KCNIP4: variants seen among roughly 807,000 people sequenced by gnomAD.
The protein encoded by KCNIP4 is potassium voltage-gated channel interacting protein 4.
In KCNIP4, 12 loss-of-function variants were observed where a neutral mutation model predicts 34.0. The observed-to-expected ratio is 0.35, with a 90% CI of 0.23 to 0.57. The LOEUF is 0.57. Among genes scored for constraint, KCNIP4 ranks in the 20% least tolerant of loss-of-function variants. The pLI is 0.83. For synonymous variants in KCNIP4, 124 were observed against 102.2 expected, an observed-to-expected ratio of 1.21 and a Z score of -1.29; for missense variants, 238 against 311.7, an observed-to-expected ratio of 0.76 and a Z score of 1.78.
intron 1 of KCNIP4, among the ~76,000 whole-genome samples, chr4:21,485,402 C>T (rs1433092163): frequency 3.3e-5 from 5 of 152,170 alleles, no homozygotes; most frequent in African/African-American, 9.7e-5. Flanking sequence ...CTGCTAGCCC[C>T]TCCTACTCCC....
At chr4:20,763,060 C>T (rs1192701536) in intron 3 of KCNIP4, among the ~76,000 whole-genome samples, 1 of 152,064 alleles carries the variant, frequency 6.6e-6, no homozygotes, top group Non-Finnish European at 1.5e-5. Flanking sequence ...GAACTGCCTC[C>T]ATGATTCAAT....
intron 1 of KCNIP4, among the ~76,000 whole-genome samples, chr4:21,043,864 A>G (rs1742178450): frequency 6.6e-6 from 1 of 152,192 alleles, no homozygotes; most frequent in Non-Finnish European, 1.5e-5. Context: ...GAAAAGAATC[A>G]GAACCTCAAA....
chr4:20,774,792 A>T (rs74911380), intron 3 of KCNIP4, among the ~76,000 whole-genome samples: 2,492 of 152,338 alleles, frequency 0.016, 24 homozygotes, highest in Middle Eastern at 0.037. Context: ...GTGATCAATG[A>T]CTAAAGAGAT....
intron 1 of KCNIP4, among the ~76,000 whole-genome samples, chr4:21,212,710 G>A (rs1173425253): frequency 6.6e-6 from 1 of 151,994 alleles, no homozygotes; most frequent in African/African-American, 2.4e-5. Context: ...AAGGGCTGAG[G>A]GTCTCTTTAA....
At chr4:21,037,510 A>G (rs1010846186) in intron 1 of KCNIP4, among the ~76,000 whole-genome samples, 2 of 152,226 alleles carry the variant, frequency 1.3e-5, no homozygotes, top group African/African-American at 4.8e-5. Context: ...AATGGGCTAT[A>G]TCATATAGCC....
Position 21,313,878 on chromosome 4 carries a change from C to T in KCNIP4, c.62-431169G>A, listed in dbSNP as rs186064814. Among the ~76,000 whole-genome samples, 139 of 152,304 alleles carry T rather than the reference C, an allele frequency of 9.1e-4. 1 individual carries two copies. Among genetic ancestry groups the T allele is most frequent in the African/African-American group, 3.2e-3 (133 of 41,580 alleles). ...CACAGTTTTCTACTGCTGCATAGCA[C>T]ATCATCCCAAATTGAGTGACTTAGA... On this transcript the variant is annotated intron_variant, in intron 1 of 8. Coordinates refer to ENST00000382152, the MANE Select transcript of KCNIP4 (RefSeq NM_025221.6).
At chr4:20,783,452 G>A (rs919616501) in intron 3 of KCNIP4, among the ~76,000 whole-genome samples, 12 of 152,190 alleles carry the variant, frequency 7.9e-5, no homozygotes, top group African/African-American at 2.2e-4. Context: ...GAATCATGGT[G>A]GGAGGTGAAA....
intron 1 of KCNIP4, among the ~76,000 whole-genome samples, chr4:21,832,880 G>T (rs963362736): frequency 6.6e-6 from 1 of 151,126 alleles, no homozygotes; most frequent in African/African-American, 2.4e-5. Flanking sequence ...TGAGAATGAT[G>T]ATTTCCAATT....
chr4:21,000,288 TC>T (rs1738000223), intron 1 of KCNIP4, among the ~76,000 whole-genome samples: 5 of 151,978 alleles, frequency 3.3e-5, no homozygotes, highest in Admixed American at 3.3e-4. Context: ...TGCCCTTGTC[TC>T]CCCATATTCT....
At chr4:21,930,386 T>C (rs1729497774) in intron 1 of KCNIP4, among the ~76,000 whole-genome samples, 1 of 152,132 alleles carries the variant, frequency 6.6e-6, no homozygotes, top group African/African-American at 2.4e-5. Flanking sequence ...TCCCATGACT[T>C]CTATGGAACT....
intron 2 of KCNIP4, among the ~76,000 whole-genome samples, chr4:20,881,460 C>T (rs1380711572): frequency 6.6e-6 from 1 of 152,048 alleles, no homozygotes; most frequent in Non-Finnish European, 1.5e-5. Context: ...TGCATTTTCT[C>T]ACTAGCAAAT....
At chr4:20,846,668 G>A (rs796985996) in intron 3 of KCNIP4, among the ~76,000 whole-genome samples, 63 of 151,828 alleles carry the variant, frequency 4.1e-4, no homozygotes, top group African/African-American at 1.2e-3. Context: ...ACACATACGC[G>A]CACACACAAC....
intron 1 of KCNIP4, among the ~76,000 whole-genome samples, chr4:21,866,543 T>G (rs1013293160): frequency 6.6e-5 from 10 of 152,074 alleles, no homozygotes; most frequent in African/African-American, 2.4e-4. Context: ...AATCTACACT[T>G]AAAGAGTAGG....
chr4:21,411,796 C>A (rs1449952918), intron 1 of KCNIP4, among the ~76,000 whole-genome samples: 1 of 152,138 alleles, frequency 6.6e-6, no homozygotes, highest in East Asian at 1.9e-4. Context: ...CGTGACCATG[C>A]CACTACACTC....
chr4:21,249,227 T>A (rs955397936), intron 1 of KCNIP4, among the ~76,000 whole-genome samples: 1 of 152,072 alleles, frequency 6.6e-6, no homozygotes, highest in Admixed American at 6.6e-5. Context: ...CAAACATGCA[T>A]GCATACATAC....
chr4:21,514,702 G>C (rs1455730154), intron 1 of KCNIP4, among the ~76,000 whole-genome samples: 2 of 151,954 alleles, frequency 1.3e-5, no homozygotes, highest in African/African-American at 4.8e-5. Flanking sequence ...GAAATAGGAA[G>C]CAACTGTTAA....
intron 1 of KCNIP4, among the ~76,000 whole-genome samples, chr4:21,424,066 G>A (rs1462513292): frequency 6.0e-5 from 9 of 150,408 alleles, no homozygotes; most frequent in Middle Eastern, 3.4e-3. Flanking sequence ...TGATCCACCC[G>A]CCTTGGCCTC....
chr4:21,723,118 T>C (rs1454377724), intron 1 of KCNIP4, among the ~76,000 whole-genome samples: 1 of 152,100 alleles, frequency 6.6e-6, no homozygotes, highest in African/African-American at 2.4e-5. Flanking sequence ...GCTGCCACTG[T>C]CCCCAATCCT....
At chr4:21,039,441 C>A (rs189850307) in intron 1 of KCNIP4, among the ~76,000 whole-genome samples, 122 of 151,834 alleles carry the variant, frequency 8.0e-4, no homozygotes, top group African/African-American at 2.7e-3. Context: ...CCCCAGATAG[C>A]CTTAATTTAA....
Sources: gnomAD v4.1 joint callset for allele counts (sites outside exome capture counted in the v4.1 genomes callset) on GRCh38, gnomAD v4.1.1 for gene constraint, MANE v1.5 for transcripts, NCBI Gene and HGNC (gene_info 2026-07-23, HGNC 2026-07-21) for gene names.